DDHD1: variants seen among roughly 807,000 people sequenced by gnomAD.
The protein encoded by DDHD1 is DDHD domain containing 1, also known as phospholipase DDHD1.
DDHD1 carries 49 observed loss-of-function variants against 96.4 expected under a neutral mutation model. The ratio of observed to expected loss-of-function variants is 0.51; its 90% confidence interval spans 0.40 to 0.64. DDHD1 has a LOEUF of 0.64. DDHD1 is among the 30% of genes least tolerant of loss of function. The pLI is 0.00. For missense variants in DDHD1, 1,106 were observed against 1,161.2 expected, an observed-to-expected ratio of 0.95 and a Z score of 0.69; for synonymous variants, 442 against 446.5, an observed-to-expected ratio of 0.99 and a Z score of 0.13.
In DDHD1 at chr14:53,073,428, C is replaced by G. The variant is rs113020630; in HGVS notation, c.1396+313G>C. Among the ~76,000 whole-genome samples the G allele has an allele frequency of 4.9e-3, 743 of 152,082 alleles. 6 individuals carry two copies. The highest frequency in any genetic ancestry group is 0.017 in the African/African-American group (714 of 41,536). ...TTTTAAAGTACTGACAAATCAACTTCGTGTCAAAAACTTTAGAAAACATTT... is the reference window on the plus strand; with the variant it reads ...TTTTAAAGTACTGACAAATCAACTTGGTGTCAAAAACTTTAGAAAACATTT... On this transcript the variant is annotated intron_variant, in intron 5 of 12. Transcript: ENST00000673822.
chr14:53,084,737 C>T (rs1186909506), intron 4 of DDHD1, among the ~76,000 whole-genome samples: 2 of 152,150 alleles, frequency 1.3e-5, no homozygotes, highest in Non-Finnish European at 2.9e-5. Flanking sequence ...TTCTGCATCT[C>T]CAACTGAGGT....
At chr14:53,086,441 A>G (rs1000738152) in intron 4 of DDHD1, among the ~76,000 whole-genome samples, 3 of 152,250 alleles carry the variant, frequency 2.0e-5, no homozygotes, top group Non-Finnish European at 4.4e-5. Flanking sequence ...CCATCAGACT[A>G]ATGGCGGATC....
At chr14:53,147,541 T>C (rs1566609903) in intron 1 of DDHD1, among the ~76,000 whole-genome samples, 2 of 152,192 alleles carry the variant, frequency 1.3e-5, no homozygotes, top group Non-Finnish European at 1.5e-5. Context: ...CCAAATGCCA[T>C]GGTCAGGTGC....
rs1385698210 is a variant in DDHD1, at chr14:53,045,563, T to G, written c.*1205A>C. ...CTGATTTCTGATGTAATCTAATTCATGGCACTTTAAATGTTTTGGTGCCTT... is the reference window on the plus strand; with the variant it reads ...CTGATTTCTGATGTAATCTAATTCAGGGCACTTTAAATGTTTTGGTGCCTT... On this transcript the variant is annotated 3_prime_UTR_variant, in exon 13 of 13. Transcript: ENST00000673822. 1 of 152,234 alleles carries G rather than the reference T, an allele frequency of 6.6e-6. No individual in the cohort carries two copies. The highest frequency in any genetic ancestry group is 1.5e-5 in the Non-Finnish European group (1 of 68,030). The allele number at this position is 152,234 out of a possible 1,614,324, so 9.4% of individuals were successfully genotyped here.
chr14:53,094,266 A>G (rs1566560142), intron 2 of DDHD1, among the ~76,000 whole-genome samples: 1 of 152,228 alleles, frequency 6.6e-6, no homozygotes, highest in Non-Finnish European at 1.5e-5. Context: ...GAAAAAAATA[A>G]TCTATTAGAA....
intron 1 of DDHD1, among the ~76,000 whole-genome samples, chr14:53,148,308 G>A (rs549731895): frequency 6.6e-6 from 1 of 151,510 alleles, no homozygotes; most frequent in African/African-American, 2.4e-5. Flanking sequence ...CATTGGAATT[G>A]AATTATTCTT....
intron 4 of DDHD1, among the ~76,000 whole-genome samples, chr14:53,076,982 T>C (rs1885014165): frequency 6.6e-6 from 1 of 152,340 alleles, no homozygotes; most frequent in South Asian, 2.1e-4. Flanking sequence ...TTAATTATGA[T>C]ATTCACTTTA....
rs947697013 is a variant in DDHD1 at position 53,072,515 on chromosome 14, A to G, written c.1503+82T>C. On this transcript the variant is annotated intron_variant, in intron 6 of 12. Transcript: ENST00000673822. ...TCCTGTAATTTCTCATTTGCTTAAA[A>G]AAAACATAAAATGTAAAAATTCAGG... 4.1e-5 allele frequency: 30 copies of G among 732,928 alleles called. No homozygotes were observed. The African/African-American group carries it at 4.3e-4, about 11-fold the overall frequency. The allele number at this position is 732,928 out of a possible 1,614,324, so 45.4% of individuals were successfully genotyped here.
chr14:53,075,540 A>C (rs1426666481), intron 4 of DDHD1, among the ~76,000 whole-genome samples: 1 of 152,214 alleles, frequency 6.6e-6, no homozygotes, highest in African/African-American at 2.4e-5. Flanking sequence ...GTCTCCATTA[A>C]CATAAAAGTG....
In DDHD1 at chr14:53,116,220, T is replaced by C. The variant is rs188018155; in HGVS notation, c.839-12364A>G. 3.1e-3 allele frequency among the ~76,000 whole-genome samples: 476 copies of C among 152,296 alleles called. 9 individuals carry two copies. Among genetic ancestry groups the C allele is most frequent in the Admixed American group, 0.028 (434 of 15,298 alleles). On this transcript the variant is annotated intron_variant, in intron 1 of 12. Transcript: ENST00000673822. ...CCCAATACGGGAGCACCCAGATTCA[T>C]AAAACAAATTCTTAGAGACCTAGAA...
At chr14:53,141,360 C>T (rs1437020360) in intron 1 of DDHD1, among the ~76,000 whole-genome samples, 1 of 152,086 alleles carries the variant, frequency 6.6e-6, no homozygotes, top group African/African-American at 2.4e-5. Context: ...CAGCTTCTGG[C>T]CATTTAGACT....
At chr14:53,076,674 C>T (rs1178088078) in intron 4 of DDHD1, among the ~76,000 whole-genome samples, 2 of 152,124 alleles carry the variant, frequency 1.3e-5, no homozygotes, top group African/African-American at 2.4e-5. Flanking sequence ...AAGAATCAAT[C>T]GATGTGGCTA....
At chr14:53,048,300 A>G (rs563543575) in intron 12 of DDHD1, among the ~76,000 whole-genome samples, 1 of 151,928 alleles carries the variant, frequency 6.6e-6, no homozygotes, top group Non-Finnish European at 1.5e-5. Context: ...TACTTGTAAA[A>G]TACATTGACA....
chr14:53,054,443 G>C lies in DDHD1; in HGVS notation c.2432C>G (p.Ser811Cys), dbSNP rs193261227. ...GAAATAATGTATGAACTAACATGCA[G>C]AATCGAGGAAGCCAGAACTGCTATG... is the stretch of plus-strand genomic sequence containing the variant. ...LPHSSSGFLD[S>C]AYFRLQESFF... is the part of the protein sequence containing the mutation. Residue 811 changes from serine (S) to cysteine (C), a missense_variant, in exon 11 of 13, where the codon TCT becomes TGT. By Grantham distance (112) the Ser-to-Cys change is moderately radical. Transcript: ENST00000673822. 246 of 1,613,390 alleles carry C rather than the reference G, an allele frequency of 1.5e-4. No homozygotes were observed. Among genetic ancestry groups the C allele is most frequent in the Non-Finnish European group, 2.0e-4 (233 of 1,179,466 alleles).
intron 4 of DDHD1, among the ~76,000 whole-genome samples, chr14:53,090,569 T>C (rs1183102570): frequency 6.6e-6 from 1 of 152,188 alleles, no homozygotes; most frequent in Non-Finnish European, 1.5e-5. Context: ...TTCATGTCCT[T>C]TGTATGGACA....
chr14:53,119,825 T>G (rs554265232), intron 1 of DDHD1, among the ~76,000 whole-genome samples: 2 of 152,352 alleles, frequency 1.3e-5, no homozygotes, highest in Admixed American at 6.5e-5. Flanking sequence ...GAGCTATTTA[T>G]GACAAACCCA....
intron 4 of DDHD1, among the ~76,000 whole-genome samples, chr14:53,076,148 T>C (rs1402714508): frequency 2.6e-5 from 4 of 152,124 alleles, no homozygotes; most frequent in Non-Finnish European, 5.9e-5. Context: ...CTGCTATAGA[T>C]AGTGGATGAA....
At chr14:53,077,663 G>GT (rs752020104) in intron 4 of DDHD1, among the ~76,000 whole-genome samples, 867 of 56,690 alleles carry the variant, frequency 0.015, 11 homozygotes, top group African/African-American at 0.027. Context: ...ATTAGTTTTT[G>GT]TTTTTGTTTT....
intron 1 of DDHD1, among the ~76,000 whole-genome samples, chr14:53,126,038 A>T (rs965329558): frequency 1.3e-5 from 2 of 152,144 alleles, no homozygotes; most frequent in African/African-American, 4.8e-5. Flanking sequence ...AAACTTAATA[A>T]ACCAGTCTCT....
Sources: gnomAD v4.1 joint callset for allele counts (sites outside exome capture counted in the v4.1 genomes callset) on GRCh38, gnomAD v4.1.1 for gene constraint, MANE v1.5 for transcripts, NCBI Gene and HGNC (gene_info 2026-07-23, HGNC 2026-07-21) for gene names.